AOAH: variants seen among roughly 807,000 people sequenced by gnomAD.
AOAH encodes acyloxyacyl hydrolase.
In AOAH, 64 loss-of-function variants were observed where a neutral mutation model predicts 92.2. The observed-to-expected ratio is 0.69, with a 90% CI of 0.57 to 0.86. The LOEUF is 0.86. AOAH is among the 40% of genes least tolerant of loss of function. The pLI is 0.00. For synonymous variants in AOAH, 263 were observed against 254.5 expected (o/e 1.03, Z -0.32); for missense variants, 656 against 694.6 (o/e 0.94, Z 0.62).
chr7:36,639,230 A>G (rs1194425587), intron 4 of AOAH, among the ~76,000 whole-genome samples: 1 of 152,222 alleles, frequency 6.6e-6, no homozygotes, highest in African/African-American at 2.4e-5. Context: ...CTCCTATTGT[A>G]TAAATTAAGA....
intron 10 of AOAH, among the ~76,000 whole-genome samples, chr7:36,617,225 C>T (rs988438403): frequency 5.3e-5 from 8 of 152,206 alleles, no homozygotes; most frequent in Non-Finnish European, 1.0e-4. Flanking sequence ...ATGGAAACCA[C>T]TATTTGGCCA....
chr7:36,618,634 G>A (rs1029209719), intron 9 of AOAH, among the ~76,000 whole-genome samples: 2 of 152,198 alleles, frequency 1.3e-5, no homozygotes, highest in African/African-American at 2.4e-5. Flanking sequence ...ACCCCTCAGA[G>A]CATGGAGGGT....
chr7:36,634,673 T>C (rs553693724), intron 5 of AOAH, among the ~76,000 whole-genome samples: 2 of 152,336 alleles, frequency 1.3e-5, no homozygotes, highest in South Asian at 2.1e-4. Flanking sequence ...ACAGACACTA[T>C]CTGAGATCCA....
intron 2 of AOAH, among the ~76,000 whole-genome samples, chr7:36,678,234 A>C (rs1796383537): frequency 6.6e-6 from 1 of 152,176 alleles, no homozygotes; most frequent in African/African-American, 2.4e-5. Context: ...CCTGCATTTC[A>C]TTCAGTACCA....
chr7:36,573,726 A>T (rs896397567), intron 13 of AOAH, among the ~76,000 whole-genome samples: 13 of 152,116 alleles, frequency 8.5e-5, no homozygotes, highest in African/African-American at 3.1e-4. Flanking sequence ...TCAAAAAAAT[A>T]AAAAAATGCG....
chr7:36,562,173 T>A (rs943085533), intron 13 of AOAH, among the ~76,000 whole-genome samples: 2 of 152,224 alleles, frequency 1.3e-5, no homozygotes, highest in Non-Finnish European at 2.9e-5. Context: ...GTTAATTTCC[T>A]TTTGCTGTTG....
At chr7:36,718,172 G>GA (rs1159022072) in intron 1 of AOAH, among the ~76,000 whole-genome samples, 1 of 151,904 alleles carries the variant, frequency 6.6e-6, no homozygotes, top group Non-Finnish European at 1.5e-5. Flanking sequence ...TTTTTTCAAA[G>GA]AAGATATACA....
intron 6 of AOAH, among the ~76,000 whole-genome samples, chr7:36,629,254 T>A (rs887310796): frequency 2.6e-5 from 4 of 152,228 alleles, no homozygotes; most frequent in African/African-American, 4.8e-5. Flanking sequence ...CATAAAAGAA[T>A]AATTTTCCCT....
chr7:36,516,223 C>T lies in AOAH; in HGVS notation c.1600-2843G>A, dbSNP rs1251000782. Among the ~76,000 whole-genome samples, 1 of 150,684 alleles carries T rather than the reference C, an allele frequency of 6.6e-6. No individual in the cohort carries two copies. Among genetic ancestry groups the T allele is most frequent in the African/African-American group, 2.4e-5 (1 of 40,942 alleles). On this transcript the variant is annotated intron_variant, in intron 20 of 20. Coordinates refer to ENST00000617537, the MANE Select transcript of AOAH (RefSeq NM_001637.4). The surrounding 1 kb of genome is among the most constrained non-coding windows in gnomAD (Gnocchi z 5.0). ...TATATACACACACACATCCTACACA[C>T]ACCCCACACACACCTCACACAGATA...
In AOAH at chr7:36,557,564, A is replaced by T. The variant is rs567732459; in HGVS notation, c.1022-8089T>A. Among the ~76,000 whole-genome samples the T allele has an allele frequency of 2.0e-3, 308 of 152,302 alleles. 1 individual carries two copies. The highest frequency in any genetic ancestry group is 7.3e-3 in the African/African-American group (303 of 41,552). On this transcript the variant is annotated intron_variant, in intron 13 of 20. Transcript: ENST00000617537. Reference sequence around the variant, plus strand: ...TAGATTGGGGAAGTTCTCCTGGATAATATCCTGTAGAGTGTTTTCCAACTT... The same window carrying T: ...TAGATTGGGGAAGTTCTCCTGGATATTATCCTGTAGAGTGTTTTCCAACTT...
chr7:36,670,964 C>T (rs1004660760), intron 3 of AOAH, among the ~76,000 whole-genome samples: 1 of 152,066 alleles, frequency 6.6e-6, no homozygotes, highest in African/African-American at 2.4e-5. Context: ...TTACCCAGGC[C>T]ACTTCTCGGT....
intron 3 of AOAH, among the ~76,000 whole-genome samples, chr7:36,671,026 C>T (rs988743721): frequency 1.3e-5 from 2 of 152,150 alleles, no homozygotes; most frequent in African/African-American, 2.4e-5. Flanking sequence ...CCCTTTTGGA[C>T]ATTTGCATGT....
rs201559082 is a variant in AOAH, at chr7:36,699,633, A to G, written c.128-12839T>C. Among the ~76,000 whole-genome samples, 80 of 18,636 alleles carry G rather than the reference A, an allele frequency of 4.3e-3. 1 individual carries two copies. The highest frequency in any genetic ancestry group is 0.015 in the South Asian group (6 of 388). 12.2% of individuals were successfully genotyped at this position (18,636 alleles called of 152,430 possible). ...CATTTGCCCATTTTTAAATTGGATT[A>G]TTTGTTTTTTTTTTTTTTTTGCTAT... On this transcript the variant is annotated intron_variant, in intron 1 of 20. Transcript: ENST00000617537.
chr7:36,645,357 A>G (rs1222805683), intron 4 of AOAH, among the ~76,000 whole-genome samples: 2 of 152,206 alleles, frequency 1.3e-5, no homozygotes, highest in South Asian at 2.1e-4. Context: ...GCACCGTGAT[A>G]TTGGACTTCC....
chr7:36,666,665 T>A (rs183197036), intron 3 of AOAH, among the ~76,000 whole-genome samples: 12 of 152,218 alleles, frequency 7.9e-5, no homozygotes, highest in African/African-American at 2.6e-4. Context: ...CTTAGATGAC[T>A]CATTTTAGGT....
intron 7 of AOAH, among the ~76,000 whole-genome samples, chr7:36,622,889 T>C (rs1369824531): frequency 4.0e-5 from 6 of 151,844 alleles, no homozygotes; most frequent in Non-Finnish European, 7.4e-5. Flanking sequence ...TTACTAAAAA[T>C]ACAAACACTA....
intron 6 of AOAH, among the ~76,000 whole-genome samples, chr7:36,629,603 C>T (rs1168226084): frequency 6.6e-6 from 1 of 152,164 alleles, no homozygotes; most frequent in Non-Finnish European, 1.5e-5. Context: ...CTTCTGGGAC[C>T]TGCAATGGCA....
chr7:36,538,563 T>C (rs539964650), intron 16 of AOAH, among the ~76,000 whole-genome samples: 66 of 152,270 alleles, frequency 4.3e-4, no homozygotes, highest in African/African-American at 1.4e-3. Context: ...ATGGAGTAAA[T>C]TGGGAACAAA....
intron 16 of AOAH, among the ~76,000 whole-genome samples, chr7:36,534,924 G>C (rs1784919080): frequency 6.7e-6 from 1 of 150,100 alleles, no homozygotes; most frequent in Non-Finnish European, 1.5e-5. Flanking sequence ...CTGTCTGTCT[G>C]TGTTTTTGTG....
Sources: gnomAD v4.1 joint callset for allele counts (sites outside exome capture counted in the v4.1 genomes callset) on GRCh38, gnomAD v4.1.1 for gene constraint, Gnocchi (gnomAD v3.1) non-coding constraint, MANE v1.5 for transcripts, NCBI Gene and HGNC (gene_info 2026-07-23, HGNC 2026-07-21) for gene names.